The following BCAS3 variants were observed in gnomAD, a reference collection of about 807,000 sequenced individuals.
BCAS3 encodes BCAS3 microtubule associated cell migration factor.
A neutral mutation model predicts 116.1 loss-of-function variants in BCAS3; 53 were observed. The observed-to-expected ratio is 0.46, with a 90% CI of 0.37 to 0.57. The LOEUF is 0.57. Among genes scored for constraint, BCAS3 ranks in the 20% least tolerant of loss-of-function variants. The pLI, the probability that BCAS3 is intolerant of heterozygous loss-of-function variation, is 0.00. For synonymous variants in BCAS3, 391 were observed against 408.2 expected, an observed-to-expected ratio of 0.96 and a Z score of 0.51; for missense variants, 917 against 1,165.4, an observed-to-expected ratio of 0.79 and a Z score of 3.10.
chr17:61,215,574 A>G lies in BCAS3; in HGVS notation c.2425+131010A>G, dbSNP rs1176786524. 2.0e-5 allele frequency among the ~76,000 whole-genome samples: 3 copies of G among 152,216 alleles called. No homozygotes were observed. Among genetic ancestry groups the G allele is most frequent in the Non-Finnish European group, 4.4e-5 (3 of 68,034 alleles). ...AGATACATTATGCCACTGACTATAA[A>G]ATACAGAGGAACATACTTTTTAAGC... On this transcript the variant is annotated intron_variant, in intron 22 of 23. Coordinates refer to ENST00000407086, the MANE Select transcript of BCAS3 (RefSeq NM_017679.5). The surrounding 1 kb of genome is among the most constrained non-coding windows in gnomAD (Gnocchi z 4.8).
rs187825558 is a variant in BCAS3 at position 61,307,733 on chromosome 17, A to G, written c.2426-60594A>G. Among the ~76,000 whole-genome samples, 409 of 152,378 alleles carry G rather than the reference A, an allele frequency of 2.7e-3. No individual in the cohort carries two copies. Among genetic ancestry groups the G allele is most frequent in the African/African-American group, 9.6e-3 (400 of 41,596 alleles). On this transcript the variant is annotated intron_variant, in intron 22 of 23. Coordinates refer to ENST00000407086, the MANE Select transcript of BCAS3 (RefSeq NM_017679.5). The surrounding 1 kb of genome is among the most constrained non-coding windows in gnomAD (Gnocchi z 4.7). Reference sequence around the variant, plus strand: ...TCTAGAAAGGGTTACATTCCTGAGTAGGGTCTTAATGGCCAGTTCAAGAAA... The same window carrying G: ...TCTAGAAAGGGTTACATTCCTGAGTGGGGTCTTAATGGCCAGTTCAAGAAA...
At chr17:60,933,288 A>G (rs2059756686) in intron 13 of BCAS3, among the ~76,000 whole-genome samples, 1 of 152,266 alleles carries the variant, frequency 6.6e-6, no homozygotes, top group Admixed American at 6.5e-5. Context: ...ATCGTTAGAA[A>G]CATAAGGAAG....
intron 22 of BCAS3, among the ~76,000 whole-genome samples, chr17:61,176,047 G>A (rs1391309537): frequency 6.7e-6 from 1 of 149,768 alleles, no homozygotes; most frequent in African/African-American, 2.5e-5. Context: ...GCTGAGGTGG[G>A]AGGATTGCTT....
intron 19 of BCAS3, among the ~76,000 whole-genome samples, chr17:61,069,047 A>G (rs543748237): frequency 6.6e-6 from 1 of 152,322 alleles, no homozygotes; most frequent in East Asian, 1.9e-4. Context: ...GAAAAAGCCA[A>G]AGAAGCATTA....
intron 22 of BCAS3, among the ~76,000 whole-genome samples, chr17:61,223,219 G>A (rs564370969): frequency 3.5e-5 from 5 of 141,186 alleles, no homozygotes; most frequent in African/African-American, 1.0e-4. Context: ...GTGCAGTGGC[G>A]CAGCTTTGGC....
At chr17:60,754,237 G>C (rs2042775865) in intron 6 of BCAS3, among the ~76,000 whole-genome samples, 1 of 151,550 alleles carries the variant, frequency 6.6e-6, no homozygotes. Context: ...ATAGAATTTT[G>C]CTCTGTCACC....
At chr17:60,941,200 C>T (rs768020839) in intron 13 of BCAS3, among the ~76,000 whole-genome samples, 4 of 152,180 alleles carry the variant, frequency 2.6e-5, no homozygotes, top group East Asian at 3.8e-4. Context: ...TCTAGGCTTC[C>T]GCTTCCAGGC....
rs112449864 is a variant in BCAS3, at chr17:61,087,922, A to T, written c.2425+3358A>T. On this transcript the variant is annotated intron_variant, in intron 22 of 23. Transcript: ENST00000407086. The surrounding 1 kb of genome is among the most constrained non-coding windows in gnomAD (Gnocchi z 4.6). ...TACCAGCTGGGCGCAGTGGATCACA[A>T]CTATAATCCTAGCACTTTGGGAGGC... 1.4e-3 allele frequency among the ~76,000 whole-genome samples: 216 copies of T among 152,208 alleles called. 1 individual carries two copies. Among genetic ancestry groups the T allele is most frequent in the African/African-American group, 4.4e-3 (184 of 41,518 alleles).
At position 60,724,581 on chromosome 17, in the gene BCAS3, C is replaced by T. The variant is rs193037275; in HGVS notation, c.321+15256C>T. On this transcript the variant is annotated intron_variant, in intron 5 of 23. Transcript: ENST00000407086. ...CTCTACTAAAAATACAAAAATTAGC[C>T]GGGTGTGGTGGAATGCACCTGTAAG... 1.2e-3 allele frequency among the ~76,000 whole-genome samples: 175 copies of T among 151,438 alleles called. 1 individual carries two copies. Among genetic ancestry groups the T allele is most frequent in the African/African-American group, 3.6e-3 (150 of 41,276 alleles).
chr17:61,057,832 T>C (rs1034621781), intron 19 of BCAS3, among the ~76,000 whole-genome samples: 2 of 152,198 alleles, frequency 1.3e-5, no homozygotes, highest in Non-Finnish European at 2.9e-5. Context: ...AATTATTTCT[T>C]ATTTCCAAGA....
intron 10 of BCAS3, among the ~76,000 whole-genome samples, chr17:60,893,026 T>C (rs1320953936): frequency 6.6e-6 from 1 of 152,212 alleles, no homozygotes; most frequent in Non-Finnish European, 1.5e-5. Flanking sequence ...TTGAACATTT[T>C]TTTTTCATTT....
At chr17:61,163,348 T>C (rs1031559809) in intron 22 of BCAS3, among the ~76,000 whole-genome samples, 9 of 150,184 alleles carry the variant, frequency 6.0e-5, no homozygotes, top group East Asian at 2.0e-4. Flanking sequence ...GGTGTGAACC[T>C]GGGAGGCGGA....
chr17:60,777,575 G>C (rs572124862), intron 6 of BCAS3, among the ~76,000 whole-genome samples: 1 of 152,176 alleles, frequency 6.6e-6, no homozygotes, highest in African/African-American at 2.4e-5. Context: ...GTAGTGAGCT[G>C]AGATCATGCC....
intron 5 of BCAS3, among the ~76,000 whole-genome samples, chr17:60,730,734 G>C (rs1178242105): frequency 6.6e-6 from 1 of 152,122 alleles, no homozygotes; most frequent in East Asian, 1.9e-4. Flanking sequence ...ACAGTGACTT[G>C]TTAGAGAAAA....
rs530476918 is a variant in BCAS3 at position 60,990,698 on chromosome 17, A to G, written c.1486+463A>G. ...GTCTTGCACTGTAGCCTGGGCTGGC[A>G]TGCAATGGCGTGATCTCGGCTGACT... On this transcript the variant is annotated intron_variant, in intron 15 of 23. Transcript: ENST00000407086. This position sits in a 1 kb window ranked among gnomAD's most constrained non-coding sequence, Gnocchi z 5.1. 6.0e-5 allele frequency among the ~76,000 whole-genome samples: 9 copies of G among 150,988 alleles called. No homozygotes were observed. The highest frequency in any genetic ancestry group is 4.6e-4 in the Admixed American group (7 of 15,120).
In BCAS3 at chr17:61,034,900, ATTTT is replaced by A; in HGVS notation, c.1762+114_1762+117del. 9.8e-7 allele frequency: 1 copy of A among 1,019,554 alleles called. No individual in the cohort carries two copies. The highest frequency in any genetic ancestry group is 1.4e-6 in the Non-Finnish European group (1 of 704,264). 63.2% of individuals were successfully genotyped at this position (1,019,554 alleles called of 1,614,324 possible). ...CTTGTACCCAGTAGTCTGGAAACCA[ATTTT>A]TTTAATGTAATTAGCATGTCACTTC... is the stretch of plus-strand genomic sequence containing the variant. On this transcript the variant is annotated intron_variant, in intron 17 of 23. Coordinates refer to ENST00000407086, the MANE Select transcript of BCAS3 (RefSeq NM_017679.5). The surrounding 1 kb of genome is among the most constrained non-coding windows in gnomAD (Gnocchi z 5.0).
rs1224505731 is a variant in BCAS3 at position 61,139,953 on chromosome 17, T to A, written c.2425+55389T>A. Among the ~76,000 whole-genome samples the A allele has an allele frequency of 2.0e-5, 3 of 152,136 alleles. No individual in the cohort carries two copies. Among genetic ancestry groups the A allele is most frequent in the Non-Finnish European group, 4.4e-5 (3 of 68,008 alleles). ...CCTACTGTCAAGACACAAAGTGATA[T>A]GACCGGGCACAGTGGCTCACGCCTG... On this transcript the variant is annotated intron_variant, in intron 22 of 23. Coordinates refer to ENST00000407086, the MANE Select transcript of BCAS3 (RefSeq NM_017679.5). This position sits in a 1 kb window ranked among gnomAD's most constrained non-coding sequence, Gnocchi z 4.7.
intron 13 of BCAS3, among the ~76,000 whole-genome samples, chr17:60,935,022 G>A (rs2059844885): frequency 6.6e-6 from 1 of 152,122 alleles, no homozygotes; most frequent in Non-Finnish European, 1.5e-5. Context: ...GCCGGGTGTG[G>A]TGGCTCATGC....
chr17:61,168,568 A>C (rs1424623230), intron 22 of BCAS3, among the ~76,000 whole-genome samples: 1 of 152,170 alleles, frequency 6.6e-6, no homozygotes, highest in African/African-American at 2.4e-5. Flanking sequence ...TAGTAATTTA[A>C]TTAGGCCACA....
Sources: gnomAD v4.1 joint callset for allele counts (sites outside exome capture counted in the v4.1 genomes callset) on GRCh38, gnomAD v4.1.1 for gene constraint, Gnocchi (gnomAD v3.1) non-coding constraint, MANE v1.5 for transcripts, NCBI Gene and HGNC (gene_info 2026-07-23, HGNC 2026-07-21) for gene names.